Variants in SLC10A7 observed in about 807,000 individuals in gnomAD.
SLC10A7 encodes solute carrier family 10 member 7.
In SLC10A7, 29 loss-of-function variants were observed where a neutral mutation model predicts 43.2. The observed-to-expected ratio is 0.67, with a 90% CI of 0.50 to 0.92. SLC10A7 has a LOEUF of 0.92. Among genes scored for constraint, SLC10A7 ranks in the 40% least tolerant of loss-of-function variants. The probability of loss-of-function intolerance (pLI) is 0.00; values close to 1 mark genes in which losing one functional copy is unlikely to be tolerated. For missense variants in SLC10A7, 295 were observed against 403.2 expected (o/e 0.73, Z 2.30); for synonymous variants, 152 against 144.8 (o/e 1.05, Z -0.35).
intron 4 of SLC10A7, among the ~76,000 whole-genome samples, chr4:146,484,852 A>G (rs1172382939): frequency 1.3e-5 from 2 of 152,240 alleles, no homozygotes; most frequent in Non-Finnish European, 2.9e-5. Context: ...ATAAAGCCCA[A>G]TTTAAAGACA....
At chr4:146,399,869 G>A (rs1264985280) in intron 5 of SLC10A7, among the ~76,000 whole-genome samples, 2 of 152,052 alleles carry the variant, frequency 1.3e-5, no homozygotes, top group Non-Finnish European at 2.9e-5. Context: ...GCATTTTGAT[G>A]TATGAGTCCA....
chr4:146,380,918 G>A (rs1737571612), intron 5 of SLC10A7, among the ~76,000 whole-genome samples: 2 of 152,108 alleles, frequency 1.3e-5, no homozygotes, highest in South Asian at 4.1e-4. Context: ...ATACACCTAA[G>A]CATTTATTAT....
At chr4:146,441,830 A>G in intron 5 of SLC10A7, 1 of 985,324 alleles carries the variant, frequency 1.0e-6, no homozygotes, top group African/African-American at 1.7e-5. Flanking sequence ...GTGTAGCACT[A>G]TGTAGAATTA....
At chr4:146,484,168 A>C (rs1322190264) in intron 4 of SLC10A7, among the ~76,000 whole-genome samples, 1 of 152,176 alleles carries the variant, frequency 6.6e-6, no homozygotes, top group East Asian at 1.9e-4. Context: ...CTTGGGCAAC[A>C]TAGTGATACC....
At chr4:146,453,035 GTA>G (rs68074483) in intron 4 of SLC10A7, among the ~76,000 whole-genome samples, 81,791 of 149,632 alleles carry the variant, frequency 0.55, 22,911 homozygotes, top group East Asian at 0.65. Flanking sequence ...GTGTGTGTGT[GTA>G]TATATATATA....
At chr4:146,480,054 C>A (rs796925805) in intron 4 of SLC10A7, among the ~76,000 whole-genome samples, 3 of 151,074 alleles carry the variant, frequency 2.0e-5, no homozygotes, top group African/African-American at 7.4e-5. Context: ...ATAAGGCATA[C>A]TGCAGCTAAA....
intron 4 of SLC10A7, among the ~76,000 whole-genome samples, chr4:146,471,870 T>C (rs1733599885): frequency 6.6e-6 from 1 of 152,148 alleles, no homozygotes; most frequent in Non-Finnish European, 1.5e-5. Context: ...TGTTAAGGTG[T>C]CAACATTAAA....
chr4:146,356,029 T>C (rs1735580737), intron 5 of SLC10A7, among the ~76,000 whole-genome samples: 1 of 80,026 alleles, frequency 1.2e-5, no homozygotes, highest in African/African-American at 5.0e-5. Context: ...CCCTAAAACT[T>C]AAAGTATAAT....
intron 2 of SLC10A7, among the ~76,000 whole-genome samples, chr4:146,516,513 T>C (rs1738013905): frequency 2.7e-5 from 4 of 150,066 alleles, no homozygotes; most frequent in Admixed American, 2.0e-4. Flanking sequence ...CACATACATA[T>C]ATGTGTCAAA....
chr4:146,291,786 CT>C (rs996221035), intron 9 of SLC10A7, among the ~76,000 whole-genome samples: 1 of 152,074 alleles, frequency 6.6e-6, no homozygotes, highest in African/African-American at 2.4e-5. Flanking sequence ...TCTATACTCT[CT>C]TGGGAAGTGC....
intron 5 of SLC10A7, chr4:146,441,961 C>A: frequency 1.0e-6 from 1 of 981,758 alleles, no homozygotes; most frequent in Non-Finnish European, 1.2e-6. Flanking sequence ...CTAGTTTATA[C>A]ATCACTGATT....
At chr4:146,322,555 C>A (rs1359762895) in intron 6 of SLC10A7, among the ~76,000 whole-genome samples, 1 of 152,008 alleles carries the variant, frequency 6.6e-6, no homozygotes, top group Non-Finnish European at 1.5e-5. Flanking sequence ...ATGAATTCAT[C>A]ATTTTTTATG....
intron 6 of SLC10A7, among the ~76,000 whole-genome samples, chr4:146,307,223 CT>C (rs140360504): frequency 0.047 from 7,156 of 152,222 alleles, 197 homozygotes; most frequent in Middle Eastern, 0.085. Flanking sequence ...GAATATATAT[CT>C]GGCCCATCAT....
chr4:146,349,326 A>G (rs1734851091), intron 5 of SLC10A7, among the ~76,000 whole-genome samples: 1 of 152,218 alleles, frequency 6.6e-6, no homozygotes, highest in African/African-American at 2.4e-5. Context: ...ATCTCACACC[A>G]GTCAGAATGG....
intron 5 of SLC10A7, among the ~76,000 whole-genome samples, chr4:146,408,260 A>G (rs1212690842): frequency 2.0e-5 from 3 of 152,096 alleles, no homozygotes; most frequent in African/African-American, 7.2e-5. Context: ...TAAAAGACCA[A>G]CAGCTAGCCA....
chr4:146,379,105 G>T (rs1341844228), intron 5 of SLC10A7, among the ~76,000 whole-genome samples: 1 of 152,142 alleles, frequency 6.6e-6, no homozygotes, highest in Non-Finnish European at 1.5e-5. Flanking sequence ...GTCTGAACTA[G>T]CCTAACAGAA....
chr4:146,356,582 C>CAT (rs2149756243), intron 5 of SLC10A7, among the ~76,000 whole-genome samples: 1 of 151,902 alleles, frequency 6.6e-6, no homozygotes, highest in Non-Finnish European at 1.5e-5. Flanking sequence ...CAGACACACA[C>CAT]ACACACACAC....
At chr4:146,261,427 C>G (rs1038123910) in intron 10 of SLC10A7, among the ~76,000 whole-genome samples, 1 of 120,828 alleles carries the variant, frequency 8.3e-6, no homozygotes, top group Non-Finnish European at 2.1e-5. Context: ...TTTGCCCCCC[C>G]AGCTCCAGCT....
rs1737552585 is a variant in SLC10A7, at chr4:146,380,700, T to C, written c.436-54704A>G. Among the ~76,000 whole-genome samples, 2 of 152,142 alleles carry C rather than the reference T, an allele frequency of 1.3e-5. 1 individual carries two copies. The highest frequency in any genetic ancestry group is 4.1e-4 in the South Asian group (2 of 4,826). On this transcript the variant is annotated intron_variant, in intron 5 of 11. Coordinates refer to ENST00000335472, the MANE Select transcript of SLC10A7 (RefSeq NM_001029998.6). ...GAAATGAATTCATTTGATTCCTACTTATAATTGTTGTATCAGTACACAGAA... is the reference window on the plus strand; with the variant it reads ...GAAATGAATTCATTTGATTCCTACTCATAATTGTTGTATCAGTACACAGAA...
Sources: allele counts gnomAD v4.1 joint callset (sites outside exome capture counted in the v4.1 genomes callset), GRCh38; gene constraint gnomAD v4.1.1; transcripts MANE v1.5; gene names NCBI Gene and HGNC (gene_info 2026-07-23, HGNC 2026-07-21).